MAPK11: variants seen among roughly 807,000 people sequenced by gnomAD.
MAPK11 encodes MAP kinase 11.
A neutral mutation model predicts 52.2 loss-of-function variants in MAPK11; 44 were observed. The ratio of observed to expected loss-of-function variants is 0.84; its 90% CI spans 0.66 to 1.08. The LOEUF is 1.08. Ranked by LOEUF, MAPK11 falls within the 50% of genes least tolerant of loss-of-function variation. The pLI, the probability that MAPK11 is intolerant of heterozygous loss-of-function variation, is 0.00. For synonymous variants in MAPK11, 233 were observed against 206.3 expected (o/e 1.13, Z -1.11); for missense variants, 436 against 494.7 (o/e 0.88, Z 1.13).
In MAPK11 at chr22:50,267,920, T is replaced by C; in HGVS notation, c.146A>G (p.Lys49Arg). 1.3e-6 allele frequency: 2 copies of C among 1,582,492 alleles called. No homozygotes were observed. Among genetic ancestry groups the C allele is most frequent in the Non-Finnish European group, 1.7e-6 (2 of 1,167,020 alleles). The change falls in exon 2 of 12, where the codon AAG (lysine) becomes AGG (arginine). Residue 49 changes from lysine to arginine, a missense_variant. Lys to Arg is a conservative substitution (Grantham distance 26, BLOSUM62 2). Coordinates refer to ENST00000330651, the MANE Select transcript of MAPK11 (RefSeq NM_002751.7). Reference protein sequence around the residue: ...CSAYDARLRQKVAVKKLSRPF... With the variant: ...CSAYDARLRQRVAVKKLSRPF... ...GCGCGACAGCTTCTTCACCGCCACC[T>C]TCTGGCGCAGCCGGGCGTCGTAGGC...
At chr22:50,267,794 C>T (rs759752531) in intron 2 of MAPK11, 26 bp downstream of exon 2, 1 of 1,495,162 alleles carries the variant, frequency 6.7e-7, no homozygotes, top group Non-Finnish European at 8.9e-7. Flanking sequence ...CACGCGCCCT[C>T]CCCCCACGGC....
intron 1 of MAPK11, among the ~76,000 whole-genome samples, chr22:50,269,796 G>T (rs2065293777): frequency 1.3e-5 from 2 of 152,180 alleles, no homozygotes; most frequent in Admixed American, 6.5e-5. Flanking sequence ...GACCCCGGGG[G>T]GCTGCCTGAC....
chr22:50,265,273 T>TG (rs756044561), intron 11 of MAPK11, 48 bp downstream of exon 11: 2 of 1,598,074 alleles, frequency 1.3e-6, no homozygotes, highest in Admixed American at 3.4e-5. Flanking sequence ...TCTGGGGAAA[T>TG]GGAGCCCGCA....
chr22:50,266,166 C>G (rs983708068), intron 9 of MAPK11, 60 bp downstream of exon 9: 26 of 1,387,804 alleles, frequency 1.9e-5, no homozygotes, highest in Admixed American at 6.4e-5. Context: ...ACCCTCTCCC[C>G]CAGAGAGCCT....
intron 9 of MAPK11, among the ~76,000 whole-genome samples, 190 bp from the exon 10 acceptor site, chr22:50,265,850 C>T (rs2065257737): frequency 6.6e-6 from 1 of 152,100 alleles, no homozygotes; most frequent in African/African-American, 2.4e-5. Context: ...CTAATGCCTG[C>T]AGGAGCTGGG....
chr22:50,267,508 C>T, intron 3 of MAPK11, 26 bp from the exon 4 acceptor site: 3 of 1,580,656 alleles, frequency 1.9e-6, no homozygotes, highest in Non-Finnish European at 2.6e-6. Context: ...GGGGTCAGGA[C>T]AGGGCCCCAC....
chr22:50,267,398 C>T lies in MAPK11; in HGVS notation c.390G>A (p.Leu130=). Residue 130 remains leucine, a synonymous_variant, in exon 4 of 12, where the codon CTG becomes CTA. Transcript: ENST00000330651. ...QALSDEHVQF[L]VYQLLRGLKY... ...TCAGCCCGCGCAGCAGCTGGTAAAC[C>T]AGGAATTGAACGTGCTCGTCGCTCA... 2 of 1,610,684 alleles carry T rather than the reference C, an allele frequency of 1.2e-6. No individual in the cohort carries two copies. Among genetic ancestry groups the T allele is most frequent in the South Asian group, 2.2e-5 (2 of 90,804 alleles).
Position 50,265,322 on chromosome 22 carries a change from C to A in MAPK11, c.1014G>T (p.Lys338Asn), listed in dbSNP as rs760993249. ...EAKERTLEEW[K>N]ELTYQEVLSF... ...ACCCCCAGCCACTGCCATGCTCACC[C>A]TTCCACTCCTCCAGCGTGCGCTCCT... Residue 338 changes from lysine to asparagine, a missense_variant and splice_region_variant, in exon 11 of 12, where the codon AAG becomes AAT. By Grantham distance (94) the Lys-to-Asn change is moderately conservative. Coordinates refer to ENST00000330651, the MANE Select transcript of MAPK11 (RefSeq NM_002751.7). The A allele has an allele frequency of 6.2e-7, 1 of 1,612,958 alleles. No homozygotes were observed. The highest frequency in any genetic ancestry group is 8.5e-7 in the Non-Finnish European group (1 of 1,179,906).
At chr22:50,265,689 G>A (rs761595081) in intron 9 of MAPK11, 29 bp from the exon 10 acceptor site, 4 of 1,405,190 alleles carry the variant, frequency 2.8e-6, no homozygotes, top group Non-Finnish European at 2.9e-6. Context: ...ACCTGGGGAG[G>A]CTGCTCACTC....
At chr22:50,268,006 C>A in intron 1 of MAPK11, 57 bp from the exon 2 acceptor site, 1 of 1,422,658 alleles carries the variant, frequency 7.0e-7, no homozygotes, top group South Asian at 1.4e-5. Flanking sequence ...GCCGCACGCG[C>A]GTGGACCCGG....
chr22:50,268,085 C>T lies in MAPK11; in HGVS notation c.117-136G>A. On this transcript the variant is annotated intron_variant, in intron 1 of 11. Transcript: ENST00000330651. ...GGCTTTTCTGCCCCGGCCCCGCCGC[C>T]CCAGCTCGGCCTCCCACCCTCGGGC... 3.7e-6 allele frequency: 4 copies of T among 1,067,244 alleles called. No homozygotes were observed. In the South Asian group the frequency reaches 7.3e-5, roughly 20 times the overall value. The allele number at this position is 1,067,244 out of a possible 1,614,324, so 66.1% of individuals were successfully genotyped here.
chr22:50,267,518 C>G (rs202242405), intron 3 of MAPK11, 36 bp from the exon 4 acceptor site: 5 of 1,565,012 alleles, frequency 3.2e-6, no homozygotes, highest in Non-Finnish European at 2.6e-6. Context: ...CAGGGCCCCA[C>G]CGCCCCACCG....
chr22:50,268,060 G>A, intron 1 of MAPK11, 111 bp from the exon 2 acceptor site: 1 of 1,239,038 alleles, frequency 8.1e-7, no homozygotes, highest in Non-Finnish European at 1.1e-6. Flanking sequence ...GGGGCCGTGG[G>A]GCTTTTCTGC....
chr22:50,269,997 G>T (rs902887971), intron 1 of MAPK11, among the ~76,000 whole-genome samples, 180 bp downstream of exon 1: 2 of 152,020 alleles, frequency 1.3e-5, no homozygotes, highest in Non-Finnish European at 2.9e-5. Context: ...CGTCTGCTTG[G>T]AAAGTTTCTT....
intron 7 of MAPK11, 138 bp downstream of exon 7, chr22:50,266,796 G>T: frequency 2.0e-6 from 2 of 978,378 alleles, no homozygotes; most frequent in Non-Finnish European, 3.2e-6. Context: ...TGCTCTAGCG[G>T]CCTCTGAAGG....
chr22:50,266,086 T>A (rs550088813), intron 9 of MAPK11, 140 bp downstream of exon 9: 1 of 673,468 alleles, frequency 1.5e-6, no homozygotes, highest in South Asian at 1.9e-5. Context: ...CCTGCAGGGA[T>A]TGGGCACCTG....
At position 50,265,703 on chromosome 22, in the gene MAPK11, G is replaced by A. The variant is rs200278328; in HGVS notation, c.763-43C>T. The A allele has an allele frequency of 4.8e-6, 6 of 1,261,648 alleles. No homozygotes were observed. In the African/African-American group the frequency reaches 7.5e-5, roughly 16 times the overall value. 78.2% of individuals were successfully genotyped at this position (1,261,648 alleles called of 1,614,324 possible). A position where few individuals can be genotyped will look rare whatever the true frequency, so the allele number is the denominator to read the frequency against. On this transcript the variant is annotated intron_variant, in intron 9 of 11. Coordinates refer to ENST00000330651, the MANE Select transcript of MAPK11 (RefSeq NM_002751.7). ...CACCTGGGGAGGCTGCTCACTCTCTGCCTCCCTGGCCCCAAACTGGGGCTT... is the reference window on the plus strand; with the variant it reads ...CACCTGGGGAGGCTGCTCACTCTCTACCTCCCTGGCCCCAAACTGGGGCTT...
In MAPK11 at chr22:50,270,302, A is replaced by C; in HGVS notation, c.-10T>G. ...CGCGAGGGCCCGACATGTCCGGAGC[A>C]GCCGCCGCTCCGCCCGGGCCCAGCC... On this transcript the variant is annotated 5_prime_UTR_variant, in exon 1 of 12. Transcript: ENST00000330651. This position sits in a 1 kb window ranked among gnomAD's most constrained non-coding sequence, Gnocchi z 6.3. The C allele has an allele frequency of 8.1e-7, 1 of 1,236,822 alleles. No individual in the cohort carries two copies. The highest frequency in any genetic ancestry group is 3.3e-5 in the East Asian group (1 of 30,500). The allele number at this position is 1,236,822 out of a possible 1,614,324, so 76.6% of individuals were successfully genotyped here.
At chr22:50,265,922 GGT>G (rs35051005) in intron 9 of MAPK11, among the ~76,000 whole-genome samples, 60,574 of 95,500 alleles carry the variant, frequency 0.63, 18,020 homozygotes, top group Middle Eastern at 0.68. Flanking sequence ...TGCTTGCTGG[GGT>G]CCCCCAGCCC....
Sources: allele counts gnomAD v4.1 joint callset (sites outside exome capture counted in the v4.1 genomes callset), GRCh38; gene constraint gnomAD v4.1.1; non-coding constraint Gnocchi (gnomAD v3.1); transcripts MANE v1.5; gene names NCBI Gene and HGNC (gene_info 2026-07-23, HGNC 2026-07-21).